ZNF704: variants seen among roughly 807,000 people sequenced by gnomAD.
The protein encoded by ZNF704 is zinc finger protein 704, also known as glucocorticoid induced gene 1.
A neutral mutation model predicts 44.7 loss-of-function variants in ZNF704; 10 were observed. That is an observed-to-expected ratio of 0.22 (90% CI 0.14 to 0.38). The LOEUF is 0.38. ZNF704 is among the 10% of genes least tolerant of loss of function. ZNF704 has a pLI of 1.00. For synonymous variants in ZNF704, 211 were observed against 207.6 expected, an observed-to-expected ratio of 1.02 and a Z score of -0.14; for missense variants, 390 against 545.5, an observed-to-expected ratio of 0.71 and a Z score of 2.84.
chr8:80,826,543 A>G (rs916186212), intron 1 of ZNF704, among the ~76,000 whole-genome samples: 19 of 152,218 alleles, frequency 1.2e-4, no homozygotes, highest in Non-Finnish European at 2.4e-4. Context: ...CAATCAATAG[A>G]AAAAGAGGGA....
chr8:80,697,981 G>A (rs1818752456), intron 2 of ZNF704, among the ~76,000 whole-genome samples: 1 of 152,214 alleles, frequency 6.6e-6, no homozygotes, highest in South Asian at 2.1e-4. Context: ...AGAGTTTCCA[G>A]TCGGTGCTTT....
At chr8:80,855,114 C>T (rs1482068537) in intron 1 of ZNF704, among the ~76,000 whole-genome samples, 29 of 152,076 alleles carry the variant, frequency 1.9e-4, no homozygotes, top group Admixed American at 1.9e-3. Flanking sequence ...AAGAACCACG[C>T]CTTTCTTGTT....
intron 8 of ZNF704, 32 bp downstream of exon 8, chr8:80,643,003 T>G (rs749769819): frequency 7.0e-7 from 1 of 1,434,960 alleles, no homozygotes; most frequent in Non-Finnish European, 9.5e-7. Flanking sequence ...TCCCTTGTGG[T>G]GAGGTGTGTG....
intron 7 of ZNF704, among the ~76,000 whole-genome samples, chr8:80,655,174 C>T (rs1817994360): frequency 6.6e-6 from 1 of 151,408 alleles, no homozygotes; most frequent in South Asian, 2.1e-4. Context: ...GGGAACATCA[C>T]ACACCAGGGC....
At chr8:80,663,877 G>A (rs1486543569) in intron 6 of ZNF704, among the ~76,000 whole-genome samples, 18 of 149,410 alleles carry the variant, frequency 1.2e-4, no homozygotes, top group African/African-American at 4.2e-4. Flanking sequence ...CTACAGGTAC[G>A]CACCACCATG....
intron 2 of ZNF704, among the ~76,000 whole-genome samples, chr8:80,811,972 T>A (rs143164400): frequency 6.6e-6 from 1 of 152,142 alleles, no homozygotes; most frequent in East Asian, 1.9e-4. Context: ...ACACTCCTTA[T>A]AATAATCAAA....
At chr8:80,769,027 T>C (rs984200371) in intron 2 of ZNF704, among the ~76,000 whole-genome samples, 1 of 152,122 alleles carries the variant, frequency 6.6e-6, no homozygotes, top group African/African-American at 2.4e-5. Context: ...TACATTTTAG[T>C]TTCCTAAAAT....
intron 2 of ZNF704, among the ~76,000 whole-genome samples, chr8:80,752,460 G>T (rs1373817186): frequency 1.3e-5 from 2 of 151,960 alleles, no homozygotes; most frequent in African/African-American, 4.8e-5. Context: ...TAATTGCTGA[G>T]GGCAAGAGAA....
intron 1 of ZNF704, among the ~76,000 whole-genome samples, chr8:80,848,602 TG>T (rs1808806482): frequency 6.6e-6 from 1 of 152,040 alleles, no homozygotes; most frequent in Admixed American, 6.6e-5. Flanking sequence ...CCCAGCACTT[TG>T]GGGGGCCAAG....
intron 2 of ZNF704, among the ~76,000 whole-genome samples, chr8:80,695,305 G>C (rs1314930426): frequency 6.6e-6 from 1 of 152,214 alleles, no homozygotes; most frequent in Non-Finnish European, 1.5e-5. Context: ...GGATCACCCA[G>C]AGTGGGGCAC....
chr8:80,766,476 A>C (rs542118947), intron 2 of ZNF704, among the ~76,000 whole-genome samples: 1 of 152,250 alleles, frequency 6.6e-6, no homozygotes, highest in South Asian at 2.1e-4. Flanking sequence ...CCTTACTATA[A>C]ACTCCCTTTG....
At chr8:80,721,220 ATGT>A (rs1169767566) in intron 2 of ZNF704, among the ~76,000 whole-genome samples, 2 of 152,292 alleles carry the variant, frequency 1.3e-5, no homozygotes, top group Non-Finnish European at 2.9e-5. Context: ...TGCAATTTAA[ATGT>A]TAAATCTGGA....
At chr8:80,702,697 CAGG>C (rs1172072716) in intron 2 of ZNF704, among the ~76,000 whole-genome samples, 1 of 151,914 alleles carries the variant, frequency 6.6e-6, no homozygotes, top group African/African-American at 2.4e-5. Flanking sequence ...GATGGAAGAC[CAGG>C]AGGTTATGAG....
intron 2 of ZNF704, among the ~76,000 whole-genome samples, chr8:80,789,947 T>C (rs1261228436): frequency 2.6e-5 from 4 of 152,164 alleles, no homozygotes; most frequent in Non-Finnish European, 5.9e-5. Context: ...TACGTTAAAA[T>C]CCAATGACTT....
intron 1 of ZNF704, among the ~76,000 whole-genome samples, chr8:80,835,075 T>A (rs1389240334): frequency 6.6e-6 from 1 of 152,152 alleles, no homozygotes; most frequent in Non-Finnish European, 1.5e-5. Context: ...AGCAGCACAC[T>A]TAGGATGGAA....
chr8:80,687,291 C>T lies in ZNF704; in HGVS notation c.493G>A (p.Asp165Asn), dbSNP rs946394280. The change falls in exon 4 of 9, where the codon GAC (aspartate) becomes AAC (asparagine). Residue 165 changes from aspartate (D) to asparagine (N), a missense_variant. Asp to Asn is a conservative substitution (Grantham distance 23). This residue lies in a region of ZNF704 where 305 missense variants were observed against 435.7 expected (regional missense o/e 0.70). Coordinates refer to ENST00000327835, the MANE Select transcript of ZNF704 (RefSeq NM_001033723.3). ...CTGGCCTCCGCCTCGTCGATGCCGT[C>T]GTCTGGCTGCGCGGGGCTGCGGAAG... is the stretch of plus-strand genomic sequence containing the variant. Reference protein sequence around the residue: ...KPFRSPAQPDDGIDEAEASNL... With the variant: ...KPFRSPAQPDNGIDEAEASNL... 8 of 1,613,088 alleles carry T rather than the reference C, an allele frequency of 5.0e-6. No individual in the cohort carries two copies. The highest frequency in any genetic ancestry group is 5.9e-6 in the Non-Finnish European group (7 of 1,179,862).
chr8:80,858,627 G>C (rs1313438465), intron 1 of ZNF704, among the ~76,000 whole-genome samples: 2 of 151,892 alleles, frequency 1.3e-5, no homozygotes, highest in Admixed American at 6.6e-5. Context: ...CAGCTGTTCG[G>C]GAGGCTGAGG....
chr8:80,831,525 T>C (rs940660826), intron 1 of ZNF704, among the ~76,000 whole-genome samples: 1 of 152,208 alleles, frequency 6.6e-6, no homozygotes, highest in East Asian at 1.9e-4. Flanking sequence ...TGAGACAATC[T>C]GAAAAATCAC....
intron 2 of ZNF704, among the ~76,000 whole-genome samples, chr8:80,696,810 T>C (rs1818734060): frequency 6.6e-6 from 1 of 152,240 alleles, no homozygotes; most frequent in South Asian, 2.1e-4. Context: ...TTATGTTTCA[T>C]ATACACCTTA....
Sources: gnomAD v4.1 joint callset for allele counts (sites outside exome capture counted in the v4.1 genomes callset) on GRCh38, gnomAD v4.1.1 for gene constraint, gnomAD v4.1.1 regional missense constraint, MANE v1.5 for transcripts, NCBI Gene and HGNC (gene_info 2026-07-23, HGNC 2026-07-21) for gene names.